The following NCKAP5 variants were observed in gnomAD, a reference collection of about 807,000 sequenced individuals.
The protein encoded by NCKAP5 is nck-associated protein 5.
Under a neutral mutation model 167.0 loss-of-function variants are expected in NCKAP5, and 92 were observed. That is an observed-to-expected ratio of 0.55 (90% CI 0.47 to 0.66). The LOEUF is 0.66. NCKAP5 is among the 30% of genes least tolerant of loss of function. The pLI is 0.00. For missense variants in NCKAP5, 2,378 were observed against 2,315.0 expected (o/e 1.03, Z -0.56); for synonymous variants, 891 against 877.4 (o/e 1.02, Z -0.27).
chr2:132,794,249 TATATATATATATATAGAGAGAG>T (rs1204002829), intron 12 of NCKAP5, among the ~76,000 whole-genome samples: 30 of 60,300 alleles, frequency 5.0e-4, no homozygotes, highest in African/African-American at 2.0e-3. Context: ...TATATATATA[TATATATATATATATAGAGAGAG>T]AGAGAGAGAG....
intron 16 of NCKAP5, among the ~76,000 whole-genome samples, chr2:132,742,944 T>C (rs1679329425): frequency 6.6e-6 from 1 of 151,854 alleles, no homozygotes; most frequent in South Asian, 2.1e-4. Flanking sequence ...CATGGCTGTC[T>C]CTACAGGAAG....
intron 2 of NCKAP5, among the ~76,000 whole-genome samples, chr2:133,526,542 T>C (rs1182991765): frequency 6.6e-6 from 1 of 152,140 alleles, no homozygotes. Context: ...CCAGCTGATT[T>C]CCAGACACAA....
chr2:133,273,973 C>CAAAA (rs397872263), intron 4 of NCKAP5, among the ~76,000 whole-genome samples: 1 of 123,656 alleles, frequency 8.1e-6, no homozygotes, highest in African/African-American at 3.0e-5. Context: ...GTTTGTCTAC[C>CAAAA]AAAAAAAAAA....
chr2:133,361,145 A>G (rs998540142), intron 3 of NCKAP5, among the ~76,000 whole-genome samples: 1 of 151,960 alleles, frequency 6.6e-6, no homozygotes, highest in East Asian at 1.9e-4. Flanking sequence ...TGAGAGGAGG[A>G]GCTTCACCAG....
intron 6 of NCKAP5, among the ~76,000 whole-genome samples, chr2:133,102,082 A>C (rs2081532082): frequency 6.6e-6 from 1 of 152,204 alleles, no homozygotes; most frequent in African/African-American, 2.4e-5. Context: ...TATAGGAGAA[A>C]GCATGAGGTC....
At chr2:133,299,847 G>A (rs1413938516) in intron 4 of NCKAP5, among the ~76,000 whole-genome samples, 1 of 152,090 alleles carries the variant, frequency 6.6e-6, no homozygotes, top group African/African-American at 2.4e-5. Flanking sequence ...GAGGCATCAC[G>A]TAATTAAGCA....
chr2:133,277,947 A>G (rs1250349964), intron 4 of NCKAP5, among the ~76,000 whole-genome samples: 1 of 152,174 alleles, frequency 6.6e-6, no homozygotes, highest in Non-Finnish European at 1.5e-5. Context: ...CAAACATAAC[A>G]TTAAATGTAT....
chr2:133,232,247 T>C lies in NCKAP5; in HGVS notation c.144-18468A>G, dbSNP rs1159993801. On this transcript the variant is annotated intron_variant, in intron 4 of 19. Transcript: ENST00000409261. ...CAGAAGGATTGCTTGAGCCCAGGAGTTCAAGGCCAGCCTGAACAACATGGC... is the reference window on the plus strand; with the variant it reads ...CAGAAGGATTGCTTGAGCCCAGGAGCTCAAGGCCAGCCTGAACAACATGGC... Among the ~76,000 whole-genome samples, 7 of 151,990 alleles carry C rather than the reference T, an allele frequency of 4.6e-5. No homozygotes were observed. The East Asian group carries it at 7.7e-4, about 17-fold the overall frequency.
chr2:133,555,709 G>C (rs1687695246), intron 2 of NCKAP5, among the ~76,000 whole-genome samples: 1 of 152,176 alleles, frequency 6.6e-6, no homozygotes, highest in African/African-American at 2.4e-5. Context: ...CCCCTTGAAA[G>C]ACTGTTGGGC....
chr2:133,243,644 G>C (rs1030487062), intron 4 of NCKAP5, among the ~76,000 whole-genome samples: 1 of 152,148 alleles, frequency 6.6e-6, no homozygotes, highest in Non-Finnish European at 1.5e-5. Context: ...CTTTTGCTCA[G>C]TATTTGCAAG....
intron 3 of NCKAP5, among the ~76,000 whole-genome samples, chr2:133,430,723 G>A (rs564456476): frequency 7.2e-5 from 11 of 152,076 alleles, no homozygotes; most frequent in African/African-American, 2.4e-4. Context: ...CTGTTCCATT[G>A]GTCTATATGT....
intron 6 of NCKAP5, among the ~76,000 whole-genome samples, chr2:133,103,947 T>C (rs934373586): frequency 1.2e-4 from 18 of 151,882 alleles, no homozygotes; most frequent in Admixed American, 5.9e-4. Flanking sequence ...TAGGTAATCA[T>C]GGTACCTTCT....
At chr2:133,282,517 G>A (rs1456157746) in intron 4 of NCKAP5, among the ~76,000 whole-genome samples, 1 of 152,104 alleles carries the variant, frequency 6.6e-6, no homozygotes, top group Non-Finnish European at 1.5e-5. Flanking sequence ...AAGATAAGGG[G>A]GATAAAAACA....
At chr2:133,513,711 C>T (rs1038753814) in intron 3 of NCKAP5, among the ~76,000 whole-genome samples, 1 of 152,098 alleles carries the variant, frequency 6.6e-6, no homozygotes. Context: ...ATACTGCTGT[C>T]GGAACTGAGG....
At position 132,783,706 on chromosome 2, in the gene NCKAP5, C is replaced by T; in HGVS notation, c.3105G>A (p.Gly1035=). Residue 1035 remains glycine, a synonymous_variant, in exon 14 of 20, where the codon GGG becomes GGA. Transcript: ENST00000409261. The part of the protein sequence containing the change: ...PSSSFTVMAL[G]PPKVSPKRGV... ...CTCTCTTCGGAGAGACCTTTGGAGGCCCCAGAGCCATTACGGTGAAGGAGC... is the reference window on the plus strand; with the variant it reads ...CTCTCTTCGGAGAGACCTTTGGAGGTCCCAGAGCCATTACGGTGAAGGAGC... 1 of 1,612,872 alleles carries T rather than the reference C, an allele frequency of 6.2e-7. No homozygotes were observed. The highest frequency in any genetic ancestry group is 8.5e-7 in the Non-Finnish European group (1 of 1,179,510).
intron 6 of NCKAP5, among the ~76,000 whole-genome samples, chr2:133,105,051 G>A (rs565624490): frequency 1.2e-4 from 18 of 152,256 alleles, no homozygotes; most frequent in Admixed American, 1.0e-3. Context: ...CTTCTGTCTT[G>A]ACAACATATG....
At chr2:133,008,235 C>A (rs976275844) in intron 6 of NCKAP5, among the ~76,000 whole-genome samples, 1 of 152,252 alleles carries the variant, frequency 6.6e-6, no homozygotes, top group South Asian at 2.1e-4. Flanking sequence ...AGGCTCTTCT[C>A]TCACCTCCCA....
intron 3 of NCKAP5, among the ~76,000 whole-genome samples, chr2:133,451,495 T>C (rs767348308): frequency 3.3e-5 from 5 of 152,198 alleles, no homozygotes; most frequent in East Asian, 1.9e-4. Context: ...TTGTCTGTCT[T>C]CTAACAGATC....
In NCKAP5 at chr2:133,302,895, A is replaced by T. The variant is rs1269515037; in HGVS notation, c.143+142T>A. The T allele has an allele frequency of 1.0e-5, 5 of 489,918 alleles. No homozygotes were observed. In the Admixed American group the frequency reaches 1.8e-4, roughly 17 times the overall value. 30.3% of individuals were successfully genotyped at this position (489,918 alleles called of 1,614,324 possible). A position where few individuals can be genotyped will look rare whatever the true frequency, so the allele number is the denominator to read the frequency against. ...CACATTACAATTTTGCCATTCCAAGATGATAGTTTCTTAGAATCTAACAGT... is the reference window on the plus strand; with the variant it reads ...CACATTACAATTTTGCCATTCCAAGTTGATAGTTTCTTAGAATCTAACAGT... On this transcript the variant is annotated intron_variant, in intron 4 of 19. Coordinates refer to ENST00000409261, the MANE Select transcript of NCKAP5 (RefSeq NM_207363.3).
Sources: gnomAD v4.1 joint callset for allele counts (sites outside exome capture counted in the v4.1 genomes callset) on GRCh38, gnomAD v4.1.1 for gene constraint, MANE v1.5 for transcripts, NCBI Gene and HGNC (gene_info 2026-07-23, HGNC 2026-07-21) for gene names.